DNAI7: variants seen among roughly 807,000 people sequenced by gnomAD.
DNAI7 encodes the protein dynein axonemal intermediate chain 7, also known as cancer susceptibility 1.
DNAI7 carries 78 observed loss-of-function variants against 86.6 expected under a neutral mutation model. That is an observed-to-expected ratio of 0.90 (90% CI 0.75 to 1.09). The LOEUF is 1.09. Ranked by LOEUF, DNAI7 falls within the 50% of genes least tolerant of loss-of-function variation. DNAI7 has a pLI of 0.00. For missense variants in DNAI7, 753 were observed against 810.2 expected (o/e 0.93, Z 0.86); for synonymous variants, 274 against 273.0 (o/e 1.00, Z -0.04).
At chr12:25,145,323 C>T (rs920566932) in intron 8 of DNAI7, among the ~76,000 whole-genome samples, 1 of 152,148 alleles carries the variant, frequency 6.6e-6, no homozygotes, top group Non-Finnish European at 1.5e-5. Flanking sequence ...CAAACTCAGC[C>T]AGTTGAGCAC....
chr12:25,151,441 T>C (rs4246227), intron 6 of DNAI7, among the ~76,000 whole-genome samples: 152,330 of 152,362 alleles, frequency 1, 76,149 homozygotes, highest in Non-Finnish European at 1. Context: ...TTTCCTATTG[T>C]TGTGATTACT....
intron 2 of DNAI7, among the ~76,000 whole-genome samples, chr12:25,185,094 C>T (rs1949915869): frequency 1.3e-5 from 2 of 152,136 alleles, no homozygotes; most frequent in South Asian, 2.1e-4. Flanking sequence ...GCTGTAATTA[C>T]ACCACTGTAC....
Position 25,110,128 on chromosome 12 carries a change from T to G in DNAI7, c.1892A>C (p.Lys631Thr). The G allele has an allele frequency of 6.5e-7, 1 of 1,549,676 alleles. No individual in the cohort carries two copies. Among genetic ancestry groups the G allele is most frequent in the Non-Finnish European group, 8.9e-7 (1 of 1,122,044 alleles). The part of the protein sequence containing the change: ...LLCNSTKVVF[K>T]VREHLTEACT... ...TTTATGGGTTTCTACATATCATACC[T>G]TAAATACGACTTTTGTAGAATTACA... Residue 631 changes from lysine (K) to threonine (T), a missense_variant and splice_region_variant, in exon 15 of 16, where the codon AAG (lysine) becomes ACG (threonine). Coordinates refer to ENST00000395987, the MANE Select transcript of DNAI7 (RefSeq NM_018272.5).
At chr12:25,159,135 C>T (rs919235532) in intron 3 of DNAI7, among the ~76,000 whole-genome samples, 1 of 152,210 alleles carries the variant, frequency 6.6e-6, no homozygotes, top group Non-Finnish European at 1.5e-5. Context: ...ACACATGACT[C>T]CCAGCCATTG....
chr12:25,108,259 G>C (rs370639051), downstream of DNAI7: 1 of 590,068 alleles, frequency 1.7e-6, no homozygotes, highest in South Asian at 2.8e-5. Flanking sequence ...TATGATCTTT[G>C]AATGAGCTTT....
At chr12:25,169,764 C>T (rs1947913748) in intron 2 of DNAI7, among the ~76,000 whole-genome samples, 1 of 150,282 alleles carries the variant, frequency 6.7e-6, no homozygotes, top group Admixed American at 6.7e-5. Context: ...AAGAGAATCA[C>T]TTGAAACCTA....
chr12:25,143,560 A>G (rs1034581786), intron 9 of DNAI7, among the ~76,000 whole-genome samples: 1 of 152,186 alleles, frequency 6.6e-6, no homozygotes, highest in Non-Finnish European at 1.5e-5. Flanking sequence ...TTTAAATTGA[A>G]TTCTTAATAA....
At chr12:25,134,755 A>C (rs1943345172) in intron 9 of DNAI7, among the ~76,000 whole-genome samples, 1 of 152,164 alleles carries the variant, frequency 6.6e-6, no homozygotes, top group African/African-American at 2.4e-5. Context: ...ACATAATAAC[A>C]AAAACTGGAT....
chr12:25,140,911 C>A (rs1425764922), intron 9 of DNAI7, among the ~76,000 whole-genome samples: 1 of 152,060 alleles, frequency 6.6e-6, no homozygotes, highest in African/African-American at 2.4e-5. Context: ...AAGGCAAATA[C>A]TTACAGTCAA....
chr12:25,114,748 G>A lies in DNAI7; in HGVS notation c.1519C>T (p.Pro507Ser), dbSNP rs752272392. The A allele has an allele frequency of 3.7e-6, 6 of 1,613,402 alleles. No homozygotes were observed. Among genetic ancestry groups the A allele is most frequent in the Non-Finnish European group, 4.2e-6 (5 of 1,179,432 alleles). The change falls in exon 13 of 16, where the codon CCG (proline) becomes TCG (serine). Residue 507 changes from proline (P) to serine (S), a missense_variant. Transcript: ENST00000395987. ...GGTCTTAGTTCCCATGACTGGTACG[G>A]CATGTTAATATGAGCATCTTGAATC... ...TLIQDAHINM[P>S]YQSWELRPLD... is the part of the protein sequence containing the mutation.
chr12:25,194,925 A>G (rs1457565790), intron 1 of DNAI7, 151 bp downstream of exon 1: 1 of 1,614,208 alleles, frequency 6.2e-7, no homozygotes, highest in Non-Finnish European at 8.5e-7. Context: ...ATTGCTGAGA[A>G]GAGGGCCGAC....
In DNAI7 at chr12:25,172,716, T is replaced by C. The variant is rs1029409406; in HGVS notation, c.22-11519A>G. Among the ~76,000 whole-genome samples the C allele has an allele frequency of 3.3e-5, 5 of 152,072 alleles. No homozygotes were observed. In the East Asian group the frequency reaches 5.8e-4, roughly 18 times the overall value. On this transcript the variant is annotated intron_variant, in intron 2 of 15. Transcript: ENST00000395987. ...GATTTCAAACTATACTATAAGACCA[T>C]AGTCACCAAAACAGTGTGGTACTGG... is the stretch of plus-strand genomic sequence containing the variant.
At chr12:25,174,893 T>C (rs750537763) in intron 2 of DNAI7, among the ~76,000 whole-genome samples, 4 of 151,684 alleles carry the variant, frequency 2.6e-5, no homozygotes, top group Non-Finnish European at 5.9e-5. Context: ...TTCTCACTGA[T>C]GTGTGGGAGC....
chr12:25,174,496 C>CATATATATGGGATATATATGATATATA (rs1565811566), intron 2 of DNAI7, among the ~76,000 whole-genome samples: 2 of 2,890 alleles, frequency 6.9e-4, no homozygotes, highest in African/African-American at 1.8e-3. Flanking sequence ...TATCATATAT[C>CATATATATGGGATATATATGATATATA]CCATATATAT....
chr12:25,141,419 A>G (rs1944169042), intron 9 of DNAI7, among the ~76,000 whole-genome samples: 1 of 152,178 alleles, frequency 6.6e-6, no homozygotes, highest in Non-Finnish European at 1.5e-5. Flanking sequence ...TGAATAGACA[A>G]TTCTCAAAAG....
chr12:25,135,301 G>A (rs1007326551), intron 9 of DNAI7, among the ~76,000 whole-genome samples: 7 of 152,188 alleles, frequency 4.6e-5, no homozygotes, highest in African/African-American at 1.7e-4. Flanking sequence ...AAGAAGCAGT[G>A]GGAAGAGCCC....
At chr12:25,191,157 T>C (rs946247601) in intron 1 of DNAI7, among the ~76,000 whole-genome samples, 9 of 152,200 alleles carry the variant, frequency 5.9e-5, no homozygotes, top group African/African-American at 1.9e-4. Context: ...GGCTCACTCC[T>C]GTAATAGCAT....
chr12:25,114,542 CTT>C (rs1179922479), intron 13 of DNAI7, 112 bp downstream of exon 13: 3 of 654,984 alleles, frequency 4.6e-6, no homozygotes, highest in Admixed American at 5.4e-5. Context: ...TTATAAGACA[CTT>C]ATATTTCAAT....
chr12:25,132,155 T>C (rs1943007860), intron 9 of DNAI7, among the ~76,000 whole-genome samples: 1 of 152,090 alleles, frequency 6.6e-6, no homozygotes, highest in African/African-American at 2.4e-5. Flanking sequence ...AAATACATCG[T>C]TTCATTTCCT....
Sources: allele counts gnomAD v4.1 joint callset (sites outside exome capture counted in the v4.1 genomes callset), GRCh38; gene constraint gnomAD v4.1.1; transcripts MANE v1.5; gene names NCBI Gene and HGNC (gene_info 2026-07-23, HGNC 2026-07-21).